Variants in RBM19 observed in about 807,000 individuals in gnomAD.
RBM19 encodes the protein RNA binding motif protein 19.
A neutral mutation model predicts 116.8 loss-of-function variants in RBM19; 94 were observed. The ratio of observed to expected loss-of-function variants is 0.80; its 90% confidence interval spans 0.68 to 0.95. The LOEUF is 0.95. Among genes scored for constraint, RBM19 ranks in the 40% least tolerant of loss-of-function variants. The pLI, the probability that RBM19 is intolerant of heterozygous loss-of-function variation, is 0.00. For missense variants in RBM19, 1,161 were observed against 1,220.7 expected, an observed-to-expected ratio of 0.95 and a Z score of 0.73; for synonymous variants, 475 against 494.1, an observed-to-expected ratio of 0.96 and a Z score of 0.51.
In RBM19 at chr12:113,940,089, C is replaced by T. The variant is rs149890839; in HGVS notation, c.1809G>A (p.Leu603=). The T allele has an allele frequency of 1.8e-5, 29 of 1,613,998 alleles. No homozygotes were observed. The South Asian group carries it at 2.5e-4, about 14-fold the overall frequency. The change falls in exon 15 of 24, where the codon CTG becomes CTA. Residue 603 remains leucine (L), a synonymous_variant. Coordinates refer to ENST00000261741, the MANE Select transcript of RBM19 (RefSeq NM_016196.4). ...TGCCAAAATGGCCGAAGGTCTCCTG[C>T]AGCTGGGCCGCCAGGGTGCCTGCCG... is the stretch of plus-strand genomic sequence containing the variant. ...NLPAGTLAAQ[L]QETFGHFGSL...
rs1237366408 is a variant in RBM19, at chr12:113,945,864, C to T, written c.1590G>A (p.Gln530=). 1 of 1,589,838 alleles carries T rather than the reference C, an allele frequency of 6.3e-7. No homozygotes were observed. Among genetic ancestry groups the T allele is most frequent in the Non-Finnish European group, 8.6e-7 (1 of 1,157,922 alleles). The change falls in exon 13 of 24, where the codon CAG becomes CAA. Residue 530 remains glutamine (Q), a synonymous_variant. Transcript: ENST00000261741. ...GPNAVADAIA[Q]KYNATKSQVF... ...CTTGACTCTTGGTGGCGTTGTACTTCTGTGCGATGGCATCGGCCACGGCAT... is the reference window on the plus strand; with the variant it reads ...CTTGACTCTTGGTGGCGTTGTACTTTTGTGCGATGGCATCGGCCACGGCAT...
chr12:113,952,805 A>G (rs1483224303), intron 7 of RBM19, among the ~76,000 whole-genome samples: 1 of 152,220 alleles, frequency 6.6e-6, no homozygotes, highest in South Asian at 2.1e-4. Flanking sequence ...ATAAAATAGC[A>G]GTGTCACTAT....
rs111432841 is a variant in RBM19, at chr12:113,844,669, G to A, written c.2784C>T (p.His928=). 89 of 1,610,256 alleles carry A rather than the reference G, an allele frequency of 5.5e-5. 1 individual carries two copies. Among genetic ancestry groups the A allele is most frequent in the Middle Eastern group, 3.3e-4 (2 of 6,040 alleles). ...ALRRKTAAHF[H]EPPKKKRSVV... is the part of the protein sequence containing the mutation. Reference sequence around the variant, plus strand: ...CCCAAAAGACCGTCCCGCTCCTACCGTGAAAGTGAGCGGCCGTCTTCCGCC... The same window carrying A: ...CCCAAAAGACCGTCCCGCTCCTACCATGAAAGTGAGCGGCCGTCTTCCGCC... Residue 928 remains histidine (H), a splice_region_variant and synonymous_variant, in exon 23 of 24, where the codon CAC becomes CAT. Coordinates refer to ENST00000261741, the MANE Select transcript of RBM19 (RefSeq NM_016196.4).
intron 21 of RBM19, among the ~76,000 whole-genome samples, chr12:113,900,637 C>G (rs1229174802): frequency 6.6e-6 from 1 of 152,152 alleles, no homozygotes; most frequent in Non-Finnish European, 1.5e-5. Flanking sequence ...TTTTTTTCCA[C>G]GTGGAAAATC....
chr12:113,963,014 T>C (rs1037365794), intron 1 of RBM19, among the ~76,000 whole-genome samples: 2 of 152,154 alleles, frequency 1.3e-5, no homozygotes, highest in African/African-American at 4.8e-5. Context: ...TGGAAGATGC[T>C]ATGCTATTGG....
intron 21 of RBM19, 45 bp from the exon 22 acceptor site, chr12:113,858,941 G>A (rs998581250): frequency 5.1e-6 from 8 of 1,557,724 alleles, no homozygotes; most frequent in East Asian, 2.2e-5. Context: ...ATAGAGGCCC[G>A]CAAGGGAGGT....
chr12:113,930,344 C>T (rs1566023438), intron 16 of RBM19, among the ~76,000 whole-genome samples: 1 of 152,330 alleles, frequency 6.6e-6, no homozygotes, highest in East Asian at 1.9e-4. Flanking sequence ...TTGACTCCAC[C>T]CTGCCTCCCT....
In RBM19 at chr12:113,952,029, C is replaced by A. The variant is rs2135929480; in HGVS notation, c.1000+483G>T. Among the ~76,000 whole-genome samples the A allele has an allele frequency of 2.0e-5, 3 of 152,340 alleles. No homozygotes were observed. In the South Asian group the frequency reaches 6.2e-4, roughly 32 times the overall value. ...CCCCGAGCTCAGACACTCTGCCTTC[C>A]AGCCACACTGCTCATCTCAGGATGA... On this transcript the variant is annotated intron_variant, in intron 8 of 23. Transcript: ENST00000261741.
chr12:113,820,150 C>T (rs745678780), downstream of RBM19, among the ~76,000 whole-genome samples: 42 of 150,906 alleles, frequency 2.8e-4, no homozygotes, highest in Admixed American at 2.1e-3. Context: ...GAAGTTAAAC[C>T]GGGGCATCCA....
chr12:113,859,025 C>T (rs139135258), intron 21 of RBM19, 129 bp from the exon 22 acceptor site: 20 of 768,382 alleles, frequency 2.6e-5, no homozygotes, highest in Admixed American at 1.1e-4. Flanking sequence ...GGCACACACA[C>T]GCTCACACAT....
At chr12:113,848,436 G>C (rs1430830543) in intron 22 of RBM19, among the ~76,000 whole-genome samples, 1 of 152,222 alleles carries the variant, frequency 6.6e-6, no homozygotes, top group East Asian at 1.9e-4. Context: ...CGCAGGCAGT[G>C]TGAGGACAGT....
At chr12:113,902,045 T>C (rs1881734184) in intron 21 of RBM19, among the ~76,000 whole-genome samples, 1 of 152,228 alleles carries the variant, frequency 6.6e-6, no homozygotes, top group Admixed American at 6.5e-5. Flanking sequence ...TTTCCCTCAA[T>C]GGTGACATCT....
chr12:113,924,740 C>T lies in RBM19; in HGVS notation c.2262G>A (p.Gly754=). 1 of 1,551,960 alleles carries T rather than the reference C, an allele frequency of 6.4e-7. No individual in the cohort carries two copies. ...EKLKEVFSKV[G]TVKSCSISKK... ...TGGAGATGGAGCAGCTCTTCACTGT[C>T]CCCACTTTTGAAAACACCTGGATAA... The change falls in exon 18 of 24, where the codon GGG becomes GGA. Residue 754 remains glycine, a synonymous_variant. Coordinates refer to ENST00000261741, the MANE Select transcript of RBM19 (RefSeq NM_016196.4).
intron 16 of RBM19, among the ~76,000 whole-genome samples, chr12:113,929,722 T>C (rs1869436936): frequency 1.3e-5 from 2 of 152,152 alleles, no homozygotes; most frequent in South Asian, 4.1e-4. Context: ...AGAACACTGA[T>C]GAGATCCCCT....
intron 14 of RBM19, among the ~76,000 whole-genome samples, chr12:113,941,838 C>T (rs1443348201): frequency 6.6e-6 from 1 of 152,178 alleles, no homozygotes; most frequent in African/African-American, 2.4e-5. Context: ...CCTTGTAAGT[C>T]ACCTCCCCAC....
chr12:113,848,892 C>T (rs949095310), intron 22 of RBM19, among the ~76,000 whole-genome samples: 1 of 152,146 alleles, frequency 6.6e-6, no homozygotes, highest in Non-Finnish European at 1.5e-5. Flanking sequence ...TTTGTGGCAT[C>T]GAAGGCCTTC....
At chr12:113,929,409 C>T (rs1465267520) in intron 16 of RBM19, among the ~76,000 whole-genome samples, 2 of 150,570 alleles carry the variant, frequency 1.3e-5, no homozygotes, top group Admixed American at 6.6e-5. Flanking sequence ...GACTCAGATA[C>T]CAGCACAAAA....
chr12:113,825,053 A>C lies in RBM19; in HGVS notation c.2786-1732T>G, dbSNP rs1874739982. 6.6e-6 allele frequency among the ~76,000 whole-genome samples: 1 copy of C among 152,072 alleles called. No homozygotes were observed. The highest frequency in any genetic ancestry group is 2.4e-5 in the African/African-American group (1 of 41,414). On this transcript the variant is annotated intron_variant, in intron 23 of 23. Coordinates refer to ENST00000261741, the MANE Select transcript of RBM19 (RefSeq NM_016196.4). This position sits in a 1 kb window ranked among gnomAD's most constrained non-coding sequence, Gnocchi z 5.7. ...GCCACCCCACCCCCTGGCACTTTTT[A>C]TTACCCACACTGCCGCAGGCCTTTC...
chr12:113,879,787 C>A (rs1204012409), intron 21 of RBM19, among the ~76,000 whole-genome samples: 1 of 152,070 alleles, frequency 6.6e-6, no homozygotes, highest in East Asian at 1.9e-4. Context: ...GCCTAAGTCT[C>A]CTGGCACAAA....
Sources: gnomAD v4.1 joint callset for allele counts (sites outside exome capture counted in the v4.1 genomes callset) on GRCh38, gnomAD v4.1.1 for gene constraint, Gnocchi (gnomAD v3.1) non-coding constraint, MANE v1.5 for transcripts, NCBI Gene and HGNC (gene_info 2026-07-23, HGNC 2026-07-21) for gene names.